DLG2: variants seen among roughly 807,000 people sequenced by gnomAD.
DLG2 encodes disks large homolog 2.
Under a neutral mutation model 132.5 loss-of-function variants are expected in DLG2, and 45 were observed. The ratio of observed to expected loss-of-function variants is 0.34; its 90% CI spans 0.27 to 0.44. The LOEUF (loss-of-function observed/expected upper bound fraction) is 0.44. DLG2 is among the 20% of genes least tolerant of loss of function. DLG2 has a pLI of 1.00. For synonymous variants in DLG2, 424 were observed against 419.6 expected, an observed-to-expected ratio of 1.01 and a Z score of -0.13; for missense variants, 1,045 against 1,196.9, an observed-to-expected ratio of 0.87 and a Z score of 1.87.
intron 6 of DLG2, among the ~76,000 whole-genome samples, chr11:85,089,739 C>G (rs1451811937): frequency 6.6e-6 from 1 of 152,094 alleles, no homozygotes; most frequent in African/African-American, 2.4e-5. Context: ...TAATTACATT[C>G]ACATCAACAG....
At chr11:83,747,025 G>A (rs1226213244) in intron 18 of DLG2, among the ~76,000 whole-genome samples, 1 of 152,082 alleles carries the variant, frequency 6.6e-6, no homozygotes, top group Non-Finnish European at 1.5e-5. Flanking sequence ...CTTGAGCCAA[G>A]AAGAAAAGAA....
At chr11:85,145,701 G>C (rs1359340959) in intron 5 of DLG2, among the ~76,000 whole-genome samples, 5 of 151,966 alleles carry the variant, frequency 3.3e-5, no homozygotes, top group African/African-American at 1.2e-4. Flanking sequence ...CAATCTGCTT[G>C]TTAAATTTCT....
intron 3 of DLG2, among the ~76,000 whole-genome samples, chr11:85,312,085 ATC>A (rs1261097227): frequency 2.6e-5 from 4 of 151,994 alleles, no homozygotes; most frequent in Non-Finnish European, 4.4e-5. Context: ...AAAGTCAATT[ATC>A]TCTGTGTTTT....
At chr11:85,286,582 T>A (rs1378257042) in intron 3 of DLG2, among the ~76,000 whole-genome samples, 1 of 152,006 alleles carries the variant, frequency 6.6e-6, no homozygotes, top group East Asian at 1.9e-4. Flanking sequence ...GCAATGAGGG[T>A]GTCTATATGA....
At chr11:84,816,427 C>T (rs569099279) in intron 6 of DLG2, among the ~76,000 whole-genome samples, 1 of 151,622 alleles carries the variant, frequency 6.6e-6, no homozygotes, top group Admixed American at 6.6e-5. Flanking sequence ...TATCTTAAGG[C>T]CGTTTGAAAT....
At chr11:85,031,895 T>C (rs1200343659) in intron 6 of DLG2, among the ~76,000 whole-genome samples, 2 of 149,358 alleles carry the variant, frequency 1.3e-5, no homozygotes, top group African/African-American at 2.5e-5. Flanking sequence ...GCAATTCTCC[T>C]GCCTTAGCTT....
chr11:85,605,922 G>C (rs1017969444), intron 2 of DLG2, among the ~76,000 whole-genome samples: 34 of 152,066 alleles, frequency 2.2e-4, no homozygotes, highest in African/African-American at 8.2e-4. Context: ...AGGTTGAAGT[G>C]AGCTGAGATC....
intron 6 of DLG2, among the ~76,000 whole-genome samples, chr11:84,982,041 T>G (rs1412270137): frequency 6.6e-6 from 1 of 152,170 alleles, no homozygotes; most frequent in Non-Finnish European, 1.5e-5. Context: ...ACCCTTTACC[T>G]TCCACAGTAT....
At chr11:83,577,998 A>C (rs2096908497) in intron 19 of DLG2, among the ~76,000 whole-genome samples, 1 of 139,170 alleles carries the variant, frequency 7.2e-6, no homozygotes, top group Non-Finnish European at 1.5e-5. Flanking sequence ...TATATAATAC[A>C]TCTACTTAAC....
At chr11:85,133,430 T>G (rs1371757561) in intron 5 of DLG2, among the ~76,000 whole-genome samples, 12 of 152,204 alleles carry the variant, frequency 7.9e-5, no homozygotes, top group Non-Finnish European at 1.6e-4. Context: ...CATGTGGTAC[T>G]GCATACATCA....
At position 84,071,032 on chromosome 11, in the gene DLG2, C is replaced by A. The variant is rs554472092; in HGVS notation, c.750-11548G>T. On this transcript the variant is annotated intron_variant, in intron 10 of 27. Coordinates refer to ENST00000376104, the MANE Select transcript of DLG2 (RefSeq NM_001142699.3). ...CTTCTTTTTTAGCCACACATCCAATCTATCACATTTTAACATATTTTTATT... is the reference window on the plus strand; with the variant it reads ...CTTCTTTTTTAGCCACACATCCAATATATCACATTTTAACATATTTTTATT... Among the ~76,000 whole-genome samples the A allele has an allele frequency of 1.2e-4, 18 of 152,282 alleles. 1 individual carries two copies. The South Asian group carries it at 3.5e-3, about 30-fold the overall frequency.
intron 6 of DLG2, among the ~76,000 whole-genome samples, chr11:84,927,104 T>C (rs2093004699): frequency 1.3e-5 from 2 of 152,148 alleles, no homozygotes; most frequent in Non-Finnish European, 2.9e-5. Context: ...ACAGTGGGCA[T>C]GTAATACTTT....
intron 15 of DLG2, among the ~76,000 whole-genome samples, chr11:83,877,594 T>C (rs773794472): frequency 3.9e-5 from 6 of 152,160 alleles, no homozygotes; most frequent in Non-Finnish European, 7.4e-5. Context: ...ATGCAAATGG[T>C]ACCCTGAGGT....
intron 6 of DLG2, among the ~76,000 whole-genome samples, chr11:84,665,619 C>G (rs1333886654): frequency 6.6e-6 from 1 of 152,082 alleles, no homozygotes; most frequent in Non-Finnish European, 1.5e-5. Context: ...CTCATTCACC[C>G]CACCCCACTT....
chr11:85,404,510 G>A (rs1433584809), intron 3 of DLG2, among the ~76,000 whole-genome samples: 1 of 151,916 alleles, frequency 6.6e-6, no homozygotes, highest in Non-Finnish European at 1.5e-5. Context: ...TCTGGGCAAG[G>A]ATTGGGCTCT....
At chr11:84,102,326 G>A (rs2154183352) in intron 9 of DLG2, among the ~76,000 whole-genome samples, 1 of 152,166 alleles carries the variant, frequency 6.6e-6, no homozygotes, top group African/African-American at 2.4e-5. Context: ...GCCTTGTCTA[G>A]CACATAGTAT....
chr11:85,524,304 G>A (rs973258976), intron 3 of DLG2, among the ~76,000 whole-genome samples: 1 of 151,914 alleles, frequency 6.6e-6, no homozygotes, highest in Non-Finnish European at 1.5e-5. Flanking sequence ...TAGTCAATTT[G>A]CCCTAAGGAA....
At chr11:83,610,664 A>C (rs146635157) in intron 19 of DLG2, among the ~76,000 whole-genome samples, 3 of 152,208 alleles carry the variant, frequency 2.0e-5, no homozygotes, top group African/African-American at 7.2e-5. Flanking sequence ...CCTCACAACT[A>C]TGCAATGAGG....
intron 4 of DLG2, among the ~76,000 whole-genome samples, chr11:85,211,670 C>A (rs758563521): frequency 1.3e-5 from 2 of 152,084 alleles, no homozygotes; most frequent in Non-Finnish European, 2.9e-5. Flanking sequence ...ATTATTGGAA[C>A]TTTTCTAGCT....
Sources: allele counts gnomAD v4.1 joint callset (sites outside exome capture counted in the v4.1 genomes callset), GRCh38; gene constraint gnomAD v4.1.1; transcripts MANE v1.5; gene names NCBI Gene and HGNC (gene_info 2026-07-23, HGNC 2026-07-21).